The following VWA2 variants were observed in gnomAD, a reference collection of about 807,000 sequenced individuals.
VWA2 encodes von Willebrand factor A domain containing 2.
Under a neutral mutation model 70.4 loss-of-function variants are expected in VWA2, and 73 were observed. The ratio of observed to expected loss-of-function variants is 1.04; its 90% CI spans 0.86 to 1.26. The LOEUF (loss-of-function observed/expected upper bound fraction) is 1.26. VWA2 is among the 50% of genes most tolerant of loss of function. VWA2 has a pLI of 0.00. For missense variants in VWA2, 1,011 were observed against 998.5 expected (o/e 1.01, Z -0.17); for synonymous variants, 407 against 423.3 (o/e 0.96, Z 0.47).
intron 4 of VWA2, among the ~76,000 whole-genome samples, chr10:114,256,321 G>C (rs917503104): frequency 1.3e-5 from 2 of 152,216 alleles, no homozygotes; most frequent in African/African-American, 2.4e-5. Flanking sequence ...AAAAACACCA[G>C]AACAAGTGAA....
At chr10:114,281,776 A>G (rs982102790) in intron 8 of VWA2, 94 of 984,646 alleles carry the variant, frequency 9.5e-5, no homozygotes, top group Admixed American at 1.8e-4. Context: ...TCGAAGCTTT[A>G]AGGAATACAG....
rs2039702520 is a variant in VWA2 at position 114,292,599 on chromosome 10, T to C, written c.*1362T>C. Among the ~76,000 whole-genome samples, 1 of 151,004 alleles carries C rather than the reference T, an allele frequency of 6.6e-6. No individual in the cohort carries two copies. Among genetic ancestry groups the C allele is most frequent in the African/African-American group, 2.4e-5 (1 of 41,054 alleles). On this transcript the variant is annotated 3_prime_UTR_variant, in exon 14 of 14. Transcript: ENST00000392982. ...CTGGCAAACTAGATACTTACTTCCCTATCGCTGCAGTATTTAGGAATTACT... is the reference window on the plus strand; with the variant it reads ...CTGGCAAACTAGATACTTACTTCCCCATCGCTGCAGTATTTAGGAATTACT...
chr10:114,265,561 C>T (rs940768314), intron 5 of VWA2, among the ~76,000 whole-genome samples: 5 of 152,198 alleles, frequency 3.3e-5, no homozygotes, highest in African/African-American at 1.2e-4. Context: ...ACTGCCAATC[C>T]AATAGGCCCC....
intron 1 of VWA2, among the ~76,000 whole-genome samples, chr10:114,244,743 G>A (rs1213502066): frequency 6.6e-6 from 1 of 152,228 alleles, no homozygotes; most frequent in East Asian, 1.9e-4. Flanking sequence ...TGACTGGATG[G>A]GAATAGAGTG....
At chr10:114,243,338 C>A (rs960335336) in intron 1 of VWA2, among the ~76,000 whole-genome samples, 2 of 152,104 alleles carry the variant, frequency 1.3e-5, no homozygotes, top group African/African-American at 4.8e-5. Flanking sequence ...TTAGGGGGAG[C>A]GTGACTTTCC....
rs930575429 is a variant in VWA2, at chr10:114,292,729, G to A, written c.*1492G>A. On this transcript the variant is annotated 3_prime_UTR_variant, in exon 14 of 14. Coordinates refer to ENST00000392982, the MANE Select transcript of VWA2 (RefSeq NM_001272046.2). ...TATCGTTTTTCTTTTTTTTGAGACG[G>A]AGTTTTGCTCTTGTTGCCCAGGCTA... Among the ~76,000 whole-genome samples the A allele has an allele frequency of 3.3e-5, 5 of 151,788 alleles. No individual in the cohort carries two copies. The highest frequency in any genetic ancestry group is 1.2e-4 in the African/African-American group (5 of 41,314).
At chr10:114,279,237 G>A (rs1057179863) in intron 8 of VWA2, among the ~76,000 whole-genome samples, 1 of 152,176 alleles carries the variant, frequency 6.6e-6, no homozygotes, top group African/African-American at 2.4e-5. Flanking sequence ...GAGATCCTCA[G>A]ATGAATTCCA....
At chr10:114,265,194 G>T (rs1466587584) in intron 5 of VWA2, among the ~76,000 whole-genome samples, 1 of 152,188 alleles carries the variant, frequency 6.6e-6, no homozygotes, top group East Asian at 1.9e-4. Flanking sequence ...GCACAGCTTT[G>T]TGAATATACT....
intron 9 of VWA2, 68 bp from the exon 10 acceptor site, chr10:114,284,795 C>T (rs2038646771): frequency 1.4e-6 from 2 of 1,469,976 alleles, no homozygotes; most frequent in Middle Eastern, 2.4e-4. Flanking sequence ...TGCACCCACA[C>T]CTCTGGCCAG....
intron 5 of VWA2, among the ~76,000 whole-genome samples, chr10:114,264,908 CG>C (rs1179504251): frequency 6.6e-6 from 1 of 151,474 alleles, no homozygotes; most frequent in Non-Finnish European, 1.5e-5. Context: ...TTAGTAGAGA[CG>C]GGGTTTTGCC....
chr10:114,261,063 TG>T, intron 4 of VWA2, 122 bp from the exon 5 acceptor site: 1 of 660,192 alleles, frequency 1.5e-6, no homozygotes, highest in Non-Finnish European at 2.6e-6. Context: ...GAGAAAGCTC[TG>T]GCACTGGTGT....
intron 12 of VWA2, 68 bp from the exon 13 acceptor site, chr10:114,290,172 T>G (rs2039426077): frequency 1.3e-6 from 2 of 1,530,922 alleles, no homozygotes; most frequent in African/African-American, 2.8e-5. Flanking sequence ...TGGGCTTACT[T>G]AGGGTAGGGG....
chr10:114,245,731 G>A (rs2037054742), intron 1 of VWA2, among the ~76,000 whole-genome samples: 1 of 152,192 alleles, frequency 6.6e-6, no homozygotes, highest in East Asian at 1.9e-4. Context: ...CTTTGATCGT[G>A]TCTGTAGAGC....
chr10:114,282,966 G>A (rs1229851454), intron 9 of VWA2, among the ~76,000 whole-genome samples: 1 of 152,186 alleles, frequency 6.6e-6, no homozygotes, highest in Non-Finnish European at 1.5e-5. Context: ...CATGTGAAAG[G>A]GGGTCATCGT....
At chr10:114,248,663 C>T in intron 1 of VWA2, 41 bp from the exon 2 acceptor site, 1 of 1,570,442 alleles carries the variant, frequency 6.4e-7, no homozygotes, top group Non-Finnish European at 8.8e-7. Flanking sequence ...GTTCACAGAA[C>T]TAATTGCTGA....
chr10:114,277,885 C>T (rs2037884523), intron 6 of VWA2, 29 bp from the exon 7 acceptor site: 1 of 1,587,682 alleles, frequency 6.3e-7, no homozygotes, highest in East Asian at 2.3e-5. Flanking sequence ...GGGTATAGGA[C>T]CACAAGCTGT....
chr10:114,248,817 G>T (rs756825131), intron 2 of VWA2, 52 bp downstream of exon 2: 1 of 1,539,212 alleles, frequency 6.5e-7, no homozygotes, highest in East Asian at 2.2e-5. Context: ...GAGTAGGGGG[G>T]TTGCTTGCTT....
chr10:114,248,245 T>C (rs193260994), intron 1 of VWA2, among the ~76,000 whole-genome samples: 2 of 152,294 alleles, frequency 1.3e-5, no homozygotes, highest in African/African-American at 4.8e-5. Flanking sequence ...GTTAACCACA[T>C]TAGAAGGTTT....
chr10:114,271,643 A>ACACACACACACACACACACACACACAC (rs1564725068), intron 5 of VWA2, among the ~76,000 whole-genome samples: 1 of 151,422 alleles, frequency 6.6e-6, no homozygotes, highest in African/African-American at 2.4e-5. Flanking sequence ...ACACACACAC[A>ACACACACACACACACACACACACACAC]GCAGGTAATG....
Sources: gnomAD v4.1 joint callset for allele counts (sites outside exome capture counted in the v4.1 genomes callset) on GRCh38, gnomAD v4.1.1 for gene constraint, MANE v1.5 for transcripts, NCBI Gene and HGNC (gene_info 2026-07-23, HGNC 2026-07-21) for gene names.